Variants in RASAL2 observed in about 807,000 individuals in gnomAD.
RASAL2 encodes ras GTPase-activating protein nGAP.
Under a neutral mutation model 128.9 loss-of-function variants are expected in RASAL2, and 58 were observed. That is an observed-to-expected ratio of 0.45 (90% CI 0.36 to 0.56). The LOEUF (loss-of-function observed/expected upper bound fraction) is 0.56. Ranked by LOEUF, RASAL2 falls within the 20% of genes least tolerant of loss-of-function variation. RASAL2 has a pLI of 0.00. For missense variants in RASAL2, 1,360 were observed against 1,601.6 expected, an observed-to-expected ratio of 0.85 and a Z score of 2.57; for synonymous variants, 561 against 580.8, an observed-to-expected ratio of 0.97 and a Z score of 0.49.
At position 178,355,750 on chromosome 1, in the gene RASAL2, T is replaced by C. The variant is rs552777947; in HGVS notation, c.458-34350T>C. On this transcript the variant is annotated intron_variant, in intron 3 of 17. Coordinates refer to ENST00000367649, the MANE Select transcript of RASAL2 (RefSeq NM_170692.4). Reference sequence around the variant, plus strand: ...AGAATATTTCAAGCATCCCGACAAATTGAGAAAGACAAAGCCCAATAGAAA... The same window carrying C: ...AGAATATTTCAAGCATCCCGACAAACTGAGAAAGACAAAGCCCAATAGAAA... Among the ~76,000 whole-genome samples, 37 of 152,004 alleles carry C rather than the reference T, an allele frequency of 2.4e-4. 1 individual carries two copies. Among genetic ancestry groups the C allele is most frequent in the Non-Finnish European group, 4.4e-4 (30 of 68,002 alleles).
chr1:178,266,493 C>T (rs530070683), intron 1 of RASAL2, among the ~76,000 whole-genome samples: 65 of 152,250 alleles, frequency 4.3e-4, no homozygotes, highest in African/African-American at 1.5e-3. Context: ...CATTTTGATA[C>T]GGCTCCAATG....
chr1:178,171,713 G>C (rs1357031255), intron 1 of RASAL2, among the ~76,000 whole-genome samples: 1 of 151,878 alleles, frequency 6.6e-6, no homozygotes, highest in African/African-American at 2.4e-5. Flanking sequence ...GATGAGGTTG[G>C]AGGAGAGAGA....
At chr1:178,236,719 G>A (rs970405981) in intron 1 of RASAL2, among the ~76,000 whole-genome samples, 12 of 149,416 alleles carry the variant, frequency 8.0e-5, no homozygotes, top group African/African-American at 2.7e-4. Flanking sequence ...TTACTTATGA[G>A]CAAAACTTAA....
At chr1:178,191,274 G>C (rs923344057) in intron 1 of RASAL2, among the ~76,000 whole-genome samples, 6 of 151,716 alleles carry the variant, frequency 4.0e-5, no homozygotes, top group Non-Finnish European at 8.8e-5. Flanking sequence ...TTCTCAAACT[G>C]TATGTGCTTT....
At chr1:178,331,954 T>C (rs1669339321) in intron 3 of RASAL2, among the ~76,000 whole-genome samples, 1 of 152,150 alleles carries the variant, frequency 6.6e-6, no homozygotes. Context: ...ATTCAATAAA[T>C]ATTGAGTTCA....
intron 1 of RASAL2, among the ~76,000 whole-genome samples, chr1:178,206,995 C>A (rs985247933): frequency 1.3e-5 from 2 of 151,878 alleles, no homozygotes; most frequent in Non-Finnish European, 1.5e-5. Flanking sequence ...GACTACATAG[C>A]AAGACCTTGT....
chr1:178,448,614 C>T (rs1459483872), intron 9 of RASAL2, among the ~76,000 whole-genome samples: 4 of 151,646 alleles, frequency 2.6e-5, no homozygotes, highest in African/African-American at 9.7e-5. Context: ...TAAATTATAT[C>T]TCATGATTTG....
intron 1 of RASAL2, among the ~76,000 whole-genome samples, chr1:178,268,613 C>T (rs1319428364): frequency 2.0e-5 from 3 of 152,002 alleles, no homozygotes; most frequent in Admixed American, 6.6e-5. Flanking sequence ...AAAGCAAGAC[C>T]CTGTCTCTTA....
intron 3 of RASAL2, among the ~76,000 whole-genome samples, chr1:178,375,822 A>G (rs1348423255): frequency 6.6e-6 from 1 of 152,178 alleles, no homozygotes; most frequent in Non-Finnish European, 1.5e-5. Flanking sequence ...TTTTTTAGGA[A>G]GATGGGAGTT....
chr1:178,253,865 C>T (rs922670290), intron 1 of RASAL2, among the ~76,000 whole-genome samples: 1 of 152,140 alleles, frequency 6.6e-6, no homozygotes, highest in Non-Finnish European at 1.5e-5. Context: ...TCACTTGCTT[C>T]GGGCCATCTG....
intron 1 of RASAL2, among the ~76,000 whole-genome samples, chr1:178,215,649 A>G (rs1026077817): frequency 6.6e-6 from 1 of 152,198 alleles, no homozygotes; most frequent in African/African-American, 2.4e-5. Flanking sequence ...AATAGGTCCT[A>G]AAGATAGTTT....
At chr1:178,449,645 A>G (rs949372696) in intron 9 of RASAL2, among the ~76,000 whole-genome samples, 5 of 152,118 alleles carry the variant, frequency 3.3e-5, no homozygotes, top group Middle Eastern at 3.2e-3. Context: ...TTACAAATCA[A>G]TAAAAGCCTC....
chr1:178,339,588 A>C (rs1571887260), intron 3 of RASAL2, among the ~76,000 whole-genome samples: 1 of 152,318 alleles, frequency 6.6e-6, no homozygotes, highest in East Asian at 1.9e-4. Context: ...CTGTTGCATT[A>C]GATCACACAA....
intron 3 of RASAL2, among the ~76,000 whole-genome samples, chr1:178,349,564 A>G (rs2102432520): frequency 6.6e-6 from 1 of 152,228 alleles, no homozygotes; most frequent in South Asian, 2.1e-4. Flanking sequence ...CATCATGTAA[A>G]TAATAGAATT....
rs1036331315 is a variant in RASAL2, at chr1:178,358,568, G to A, written c.458-31532G>A. ...ATATACCCATAGACTTATGAAAAAT[G>A]TTCGGTATTACTGGTAGTCAGGATA... is the stretch of plus-strand genomic sequence containing the variant. On this transcript the variant is annotated intron_variant, in intron 3 of 17. Coordinates refer to ENST00000367649, the MANE Select transcript of RASAL2 (RefSeq NM_170692.4). Among the ~76,000 whole-genome samples, 4 of 152,120 alleles carry A rather than the reference G, an allele frequency of 2.6e-5. 1 individual carries two copies. The highest frequency in any genetic ancestry group is 2.0e-4 in the Admixed American group (3 of 15,268).
intron 4 of RASAL2, among the ~76,000 whole-genome samples, chr1:178,409,519 T>G (rs1286274226): frequency 6.6e-6 from 1 of 152,144 alleles, no homozygotes; most frequent in Non-Finnish European, 1.5e-5. Context: ...TAAACATGCA[T>G]GGTGAATATA....
intron 2 of RASAL2, among the ~76,000 whole-genome samples, chr1:178,284,430 G>A (rs1364636881): frequency 6.6e-6 from 1 of 152,202 alleles, no homozygotes; most frequent in Admixed American, 6.5e-5. Context: ...TTCTGTAGAG[G>A]TCAGCTTCCT....
chr1:178,437,653 A>G (rs1676340121), intron 5 of RASAL2, among the ~76,000 whole-genome samples: 1 of 152,110 alleles, frequency 6.6e-6, no homozygotes, highest in Non-Finnish European at 1.5e-5. Flanking sequence ...TCCTCCTGGG[A>G]AAAATGAGCT....
intron 1 of RASAL2, among the ~76,000 whole-genome samples, chr1:178,281,833 C>T (rs1666796939): frequency 6.6e-6 from 1 of 152,000 alleles, no homozygotes; most frequent in Non-Finnish European, 1.5e-5. Context: ...TATTTTTGTC[C>T]AAATCATGTG....
Sources: gnomAD v4.1 joint callset for allele counts (sites outside exome capture counted in the v4.1 genomes callset) on GRCh38, gnomAD v4.1.1 for gene constraint, MANE v1.5 for transcripts, NCBI Gene and HGNC (gene_info 2026-07-23, HGNC 2026-07-21) for gene names.